The following OTUB1 variants were observed in gnomAD, a reference collection of about 807,000 sequenced individuals.
OTUB1 encodes the protein ubiquitin thioesterase OTUB1.
OTUB1 carries 10 observed loss-of-function variants against 35.8 expected under a neutral mutation model. The observed-to-expected ratio is 0.28, with a 90% CI of 0.17 to 0.47. OTUB1 has a LOEUF of 0.47. Among genes scored for constraint, OTUB1 ranks in the 20% least tolerant of loss-of-function variants. The pLI, the probability that OTUB1 is intolerant of heterozygous loss-of-function variation, is 0.99. For synonymous variants in OTUB1, 158 were observed against 143.8 expected, an observed-to-expected ratio of 1.10 and a Z score of -0.71; for missense variants, 264 against 351.6, an observed-to-expected ratio of 0.75 and a Z score of 1.99.
rs76826727 is a variant in OTUB1, at chr11:63,998,035, G to A, written c.*489G>A. 3.2e-5 allele frequency: 16 copies of A among 497,872 alleles called. No individual in the cohort carries two copies. The highest frequency in any genetic ancestry group is 2.1e-4 in the African/African-American group (11 of 51,672). 30.8% of individuals were successfully genotyped at this position (497,872 alleles called of 1,614,324 possible). Reference sequence around the variant, plus strand: ...AGACCCCAGCTTCCTGCCCTCCACCGGGAGTCTGCATGGTTGGGAGTCCTG... The same window carrying A: ...AGACCCCAGCTTCCTGCCCTCCACCAGGAGTCTGCATGGTTGGGAGTCCTG... On this transcript the variant is annotated 3_prime_UTR_variant, in exon 7 of 7. Coordinates refer to ENST00000538426, the MANE Select transcript of OTUB1 (RefSeq NM_017670.3).
chr11:63,987,814 G>T (rs985204712), intron 1 of OTUB1, among the ~76,000 whole-genome samples: 2 of 152,188 alleles, frequency 1.3e-5, no homozygotes, highest in Non-Finnish European at 2.9e-5. Context: ...CCTACTTTCT[G>T]CAAGAGACCA....
chr11:63,998,034 C>T lies in OTUB1; in HGVS notation c.*488C>T, dbSNP rs796718192. 31 of 497,106 alleles carry T rather than the reference C, an allele frequency of 6.2e-5. No homozygotes were observed. The highest frequency in any genetic ancestry group is 4.8e-4 in the African/African-American group (25 of 51,722). The allele number at this position is 497,106 out of a possible 1,614,324, so 30.8% of individuals were successfully genotyped here. On this transcript the variant is annotated 3_prime_UTR_variant, in exon 7 of 7. Coordinates refer to ENST00000538426, the MANE Select transcript of OTUB1 (RefSeq NM_017670.3). Reference sequence around the variant, plus strand: ...CAGACCCCAGCTTCCTGCCCTCCACCGGGAGTCTGCATGGTTGGGAGTCCT... The same window carrying T: ...CAGACCCCAGCTTCCTGCCCTCCACTGGGAGTCTGCATGGTTGGGAGTCCT...
chr11:63,995,727 G>A (rs1277599359), intron 3 of OTUB1, among the ~76,000 whole-genome samples: 2 of 152,106 alleles, frequency 1.3e-5, no homozygotes, highest in African/African-American at 2.4e-5. Flanking sequence ...GATTGTGGGA[G>A]GAGGCCAAAG....
chr11:63,994,881 C>T (rs1942702867), intron 3 of OTUB1, among the ~76,000 whole-genome samples: 1 of 152,132 alleles, frequency 6.6e-6, no homozygotes, highest in Admixed American at 6.5e-5. Flanking sequence ...AGGAGTTTTG[C>T]TGTAAAGAAA....
In OTUB1 at chr11:63,997,333, G is replaced by C. The variant is rs375241520; in HGVS notation, c.619-16G>C. Reference sequence around the variant, plus strand: ...GGGGTGCGGAGACCAGGGCCTGACCGGCACCTGTGCCACAGGAGGTGGAGC... The same window carrying C: ...GGGGTGCGGAGACCAGGGCCTGACCCGCACCTGTGCCACAGGAGGTGGAGC... On this transcript the variant is annotated splice_polypyrimidine_tract_variant and intron_variant, in intron 6 of 6. Transcript: ENST00000538426. 9.8e-5 allele frequency: 158 copies of C among 1,613,744 alleles called. 3 individuals carry two copies. In the East Asian group the frequency reaches 3.4e-3, roughly 35 times the overall value.
intron 4 of OTUB1, 103 bp from the exon 5 acceptor site, chr11:63,996,754 G>A (rs1165599004): frequency 6.2e-7 from 1 of 1,610,102 alleles, no homozygotes; most frequent in Non-Finnish European, 8.5e-7. Flanking sequence ...CCGGGCGATG[G>A]GCTGGACTCT....
In OTUB1 at chr11:63,997,432, G is replaced by C. The variant is rs778856937; in HGVS notation, c.702G>C (p.Glu234Asp). 1 of 1,613,986 alleles carries C rather than the reference G, an allele frequency of 6.2e-7. No individual in the cohort carries two copies. The highest frequency in any genetic ancestry group is 1.7e-5 in the Admixed American group (1 of 60,006). Residue 234 changes from glutamate to aspartate, a missense_variant, in exon 7 of 7, where the codon GAG becomes GAC. This residue lies in a region of OTUB1 where 214 missense variants were observed against 317.1 expected (regional missense o/e 0.67). Transcript: ENST00000538426. ...AQALSVSIQV[E>D]YMDRGEGGTT... is the part of the protein sequence containing the mutation. ...CCCTCAGCGTGTCCATCCAGGTGGA[G>C]TACATGGACCGCGGCGAGGGCGGCA...
At position 63,997,538 on chromosome 11, in the gene OTUB1, T is replaced by C. The variant is rs1286420368; in HGVS notation, c.808T>C (p.Tyr270His). 1 of 1,613,402 alleles carries C rather than the reference T, an allele frequency of 6.2e-7. No individual in the cohort carries two copies. Among genetic ancestry groups the C allele is most frequent in the Non-Finnish European group, 8.5e-7 (1 of 1,179,568 alleles). Residue 270 changes from tyrosine (Y) to histidine (H), a missense_variant, in exon 7 of 7, where the codon TAC (tyrosine) becomes CAC (histidine). This residue lies in a region of OTUB1 where 214 missense variants were observed against 317.1 expected (regional missense o/e 0.67). Coordinates refer to ENST00000538426, the MANE Select transcript of OTUB1 (RefSeq NM_017670.3). ...CCGGCCTGGACACTACGATATCCTC[T>C]ACAAATAGGGCTGGCTCCAGCCCGC... is the stretch of plus-strand genomic sequence containing the variant. ...LYRPGHYDIL[Y>H]K
At chr11:63,991,499 C>A (rs1191309408) in intron 3 of OTUB1, among the ~76,000 whole-genome samples, 1 of 152,204 alleles carries the variant, frequency 6.6e-6, no homozygotes, top group Non-Finnish European at 1.5e-5. Flanking sequence ...CCCCCAGCAC[C>A]CGCATTCTGT....
At chr11:63,989,016 GAAAAA>G (rs771859657) in intron 3 of OTUB1, 5 of 174,932 alleles carry the variant, frequency 2.9e-5, no homozygotes, top group South Asian at 1.4e-4. Flanking sequence ...CTTCATCTCA[GAAAAA>G]AAAAAAAAAA....
chr11:63,996,971 C>T (rs1942725197), intron 5 of OTUB1, 30 bp downstream of exon 5: 1 of 1,613,456 alleles, frequency 6.2e-7, no homozygotes, highest in Non-Finnish European at 8.5e-7. Context: ...TTGGGCTGGG[C>T]CATGGGGGAG....
At chr11:63,990,512 C>T (rs1942661525) in intron 3 of OTUB1, 1 of 151,306 alleles carries the variant, frequency 6.6e-6, no homozygotes, top group Non-Finnish European at 1.5e-5. Context: ...GTTGGAGGAT[C>T]ACTTGAGCCC....
intron 3 of OTUB1, among the ~76,000 whole-genome samples, chr11:63,993,736 G>A (rs1178677589): frequency 6.6e-6 from 1 of 151,784 alleles, no homozygotes; most frequent in East Asian, 1.9e-4. Flanking sequence ...TTGTAGAGAT[G>A]AGGTCTTGTT....
rs562663805 is a variant in OTUB1, at chr11:63,988,261, C to G, written c.59-76C>G. ...CCTGTCTTCCTGACCCTGGGCTGCT[C>G]TTGTCCCTGGCCCAGCTGCCTGCAG... On this transcript the variant is annotated intron_variant, in intron 1 of 6. Coordinates refer to ENST00000538426, the MANE Select transcript of OTUB1 (RefSeq NM_017670.3). 3.7e-5 allele frequency: 47 copies of G among 1,260,698 alleles called. No individual in the cohort carries two copies. The East Asian group carries it at 8.9e-4, about 24-fold the overall frequency. 78.1% of individuals were successfully genotyped at this position (1,260,698 alleles called of 1,614,324 possible).
chr11:63,993,950 A>AATC (rs1485492733), intron 3 of OTUB1, among the ~76,000 whole-genome samples: 3 of 152,188 alleles, frequency 2.0e-5, no homozygotes, highest in African/African-American at 7.2e-5. Context: ...AATATGGTGA[A>AATC]ATCCCGTCTC....
chr11:63,995,204 G>A (rs1371555959), intron 3 of OTUB1, among the ~76,000 whole-genome samples: 3 of 152,036 alleles, frequency 2.0e-5, no homozygotes, highest in Non-Finnish European at 4.4e-5. Context: ...CAGCTCACTT[G>A]CTTATTTTTC....
intron 1 of OTUB1, among the ~76,000 whole-genome samples, chr11:63,987,949 T>C (rs1390147221): frequency 1.3e-5 from 2 of 152,022 alleles, no homozygotes; most frequent in African/African-American, 4.8e-5. Flanking sequence ...ATTTTAAAGA[T>C]GAGGAAATGA....
At position 63,997,734 on chromosome 11, in the gene OTUB1, G is replaced by T. The variant is rs1238673430; in HGVS notation, c.*188G>T. On this transcript the variant is annotated 3_prime_UTR_variant, in exon 7 of 7. Coordinates refer to ENST00000538426, the MANE Select transcript of OTUB1 (RefSeq NM_017670.3). Reference sequence around the variant, plus strand: ...TGTGCGTGTCCCTGCTCTGCTGCCCGCCTGGCTGCTCTGTCTGCTGCCCCC... The same window carrying T: ...TGTGCGTGTCCCTGCTCTGCTGCCCTCCTGGCTGCTCTGTCTGCTGCCCCC... The T allele has an allele frequency of 2.8e-6, 2 of 705,842 alleles. No individual in the cohort carries two copies. The highest frequency in any genetic ancestry group is 3.5e-5 in the African/African-American group (2 of 57,006). 43.7% of individuals were successfully genotyped at this position (705,842 alleles called of 1,614,324 possible).
chr11:63,995,299 C>T (rs940189538), intron 3 of OTUB1, among the ~76,000 whole-genome samples: 1 of 152,010 alleles, frequency 6.6e-6, no homozygotes, highest in Non-Finnish European at 1.5e-5. Flanking sequence ...CGGGTTCAAG[C>T]GATTCTCCTG....
Sources: allele counts gnomAD v4.1 joint callset (sites outside exome capture counted in the v4.1 genomes callset), GRCh38; gene constraint gnomAD v4.1.1; regional missense constraint gnomAD v4.1.1; transcripts MANE v1.5; gene names NCBI Gene and HGNC (gene_info 2026-07-23, HGNC 2026-07-21).